Variants in GTF2H1 observed in about 807,000 individuals in gnomAD.
The protein encoded by GTF2H1 is general transcription factor IIH subunit 1.
Under a neutral mutation model 71.2 loss-of-function variants are expected in GTF2H1, and 16 were observed. The observed-to-expected ratio is 0.22, with a 90% CI of 0.15 to 0.34. GTF2H1 has a LOEUF of 0.34. GTF2H1 is among the 10% of genes least tolerant of loss of function. The pLI is 1.00. For missense variants in GTF2H1, 498 were observed against 648.2 expected (o/e 0.77, Z 2.52); for synonymous variants, 215 against 219.0 (o/e 0.98, Z 0.16).
At chr11:18,360,475 T>C (rs867562675) in intron 13 of GTF2H1, 140 bp from the exon 14 acceptor site, 12 of 526,060 alleles carry the variant, frequency 2.3e-5, no homozygotes, top group Middle Eastern at 4.9e-4. Context: ...CAATGTGATA[T>C]AATTGGTATA....
At chr11:18,326,187 C>T (rs1307563320) in intron 1 of GTF2H1, 1 of 152,104 alleles carries the variant, frequency 6.6e-6, no homozygotes, top group African/African-American at 2.4e-5. Context: ...TTAAATTTCC[C>T]CATAAATGAA....
chr11:18,358,226 TCTTA>T, intron 12 of GTF2H1, 184 bp downstream of exon 12: 1 of 609,000 alleles, frequency 1.6e-6, no homozygotes, highest in South Asian at 2.1e-5. Context: ...TTCAGAACCG[TCTTA>T]CTATTACAAA....
chr11:18,360,865 G>T, intron 14 of GTF2H1, 158 bp downstream of exon 14: 1 of 525,588 alleles, frequency 1.9e-6, no homozygotes, highest in Non-Finnish European at 3.3e-6. Context: ...GAGTACAGTG[G>T]CTCCATCTCA....
chr11:18,331,863 A>G (rs1194428419), intron 1 of GTF2H1, among the ~76,000 whole-genome samples: 2 of 152,038 alleles, frequency 1.3e-5, no homozygotes, highest in Non-Finnish European at 2.9e-5. Context: ...CATTGTTCCC[A>G]TTTTATTTGT....
At chr11:18,339,505 G>A in intron 4 of GTF2H1, 59 bp from the exon 5 acceptor site, 1 of 1,178,404 alleles carries the variant, frequency 8.5e-7, no homozygotes, top group Non-Finnish European at 1.3e-6. Context: ...TGTCCACTGG[G>A]ACCTGAGCCA....
chr11:18,332,964 A>T, intron 1 of GTF2H1, 96 bp from the exon 2 acceptor site: 3 of 751,416 alleles, frequency 4.0e-6, no homozygotes, highest in Non-Finnish European at 6.1e-6. Context: ...CCTACAGTTT[A>T]GATTTTATAT....
chr11:18,344,257 T>G (rs181766715), intron 7 of GTF2H1, among the ~76,000 whole-genome samples: 1 of 152,328 alleles, frequency 6.6e-6, no homozygotes, highest in East Asian at 1.9e-4. Flanking sequence ...GCCTGTTTGC[T>G]TGCCTTAGCC....
intron 11 of GTF2H1, among the ~76,000 whole-genome samples, chr11:18,354,991 G>A (rs1865509246): frequency 1.3e-5 from 2 of 151,262 alleles, no homozygotes; most frequent in South Asian, 4.2e-4. Flanking sequence ...TGTATTTTTG[G>A]TAGAGACAGG....
At position 18,330,020 on chromosome 11, in the gene GTF2H1, T is replaced by C. The variant is rs112378949; in HGVS notation, c.-15-3040T>C. Reference sequence around the variant, plus strand: ...TTGACCTGAAGGAAACATGAGGGAATGTTCAAGGGTGACTGAAATGTTCTG... The same window carrying C: ...TTGACCTGAAGGAAACATGAGGGAACGTTCAAGGGTGACTGAAATGTTCTG... On this transcript the variant is annotated intron_variant, in intron 1 of 14. Coordinates refer to ENST00000265963, the MANE Select transcript of GTF2H1 (RefSeq NM_005316.4). 3.5e-4 allele frequency among the ~76,000 whole-genome samples: 54 copies of C among 152,336 alleles called. 1 individual carries two copies. Among genetic ancestry groups the C allele is most frequent in the African/African-American group, 1.1e-3 (47 of 41,584 alleles).
At position 18,333,020 on chromosome 11, in the gene GTF2H1, G is replaced by T. The variant is rs903783670; in HGVS notation, c.-15-40G>T. On this transcript the variant is annotated intron_variant, in intron 1 of 14. Coordinates refer to ENST00000265963, the MANE Select transcript of GTF2H1 (RefSeq NM_005316.4). ...CAACAAATTCAACCCTAATTGATGT[G>T]TGGAATAGTTTTTTTCTTCATCTTT... 5 of 1,459,928 alleles carry T rather than the reference G, an allele frequency of 3.4e-6. No homozygotes were observed. In the South Asian group the frequency reaches 5.1e-5, roughly 15 times the overall value. 90.4% of individuals were successfully genotyped at this position (1,459,928 alleles called of 1,614,324 possible). A position where few individuals can be genotyped will look rare whatever the true frequency, so the allele number is the denominator to read the frequency against.
intron 11 of GTF2H1, among the ~76,000 whole-genome samples, chr11:18,357,576 A>G (rs958318839): frequency 2.2e-4 from 33 of 152,186 alleles, no homozygotes; most frequent in African/African-American, 6.5e-4. Context: ...TAACAGAAAC[A>G]AAGGATACAG....
chr11:18,361,242 G>C (rs1041377470), intron 14 of GTF2H1, among the ~76,000 whole-genome samples: 1 of 152,158 alleles, frequency 6.6e-6, no homozygotes, highest in Non-Finnish European at 1.5e-5. Flanking sequence ...AAAATTAGTA[G>C]AATGTTGCCA....
Position 18,366,133 on chromosome 11 carries a change from AT to A in GTF2H1, c.*265del, listed in dbSNP as rs1473499807. Reference sequence around the variant, plus strand: ...TATATATATACACACACACACATATATGTACATGTGTATGTACATATATATT... The same window carrying A: ...TATATATATACACACACACACATATAGTACATGTGTATGTACATATATATT... On this transcript the variant is annotated 3_prime_UTR_variant, in exon 15 of 15. Transcript: ENST00000265963. 3 of 463,760 alleles carry A rather than the reference AT, an allele frequency of 6.5e-6. No individual in the cohort carries two copies. Among genetic ancestry groups the A allele is most frequent in the Non-Finnish European group, 1.2e-5 (3 of 258,086 alleles). The allele number at this position is 463,760 out of a possible 1,614,324, so 28.7% of individuals were successfully genotyped here.
chr11:18,329,806 A>G (rs1864851641), intron 1 of GTF2H1, among the ~76,000 whole-genome samples: 1 of 152,242 alleles, frequency 6.6e-6, no homozygotes, highest in African/African-American at 2.4e-5. Flanking sequence ...TAACCAAACT[A>G]TGTATTAAAC....
At chr11:18,354,191 C>T (rs551522249) in intron 11 of GTF2H1, among the ~76,000 whole-genome samples, 1 of 152,252 alleles carries the variant, frequency 6.6e-6, no homozygotes, top group South Asian at 2.1e-4. Flanking sequence ...GCATTTTTGC[C>T]AGAAACTCCA....
chr11:18,326,779 A>G (rs1181595794), intron 1 of GTF2H1, among the ~76,000 whole-genome samples: 2 of 152,198 alleles, frequency 1.3e-5, no homozygotes, highest in Admixed American at 1.3e-4. Flanking sequence ...TAAGTAGGAT[A>G]ATGAAGTATC....
At position 18,347,816 on chromosome 11, in the gene GTF2H1, T is replaced by C. The variant is rs769224907; in HGVS notation, c.966-16T>C. On this transcript the variant is annotated splice_polypyrimidine_tract_variant and intron_variant, in intron 8 of 14. Coordinates refer to ENST00000265963, the MANE Select transcript of GTF2H1 (RefSeq NM_005316.4). ...GTGGTTTTTAACGTTAACTTTTTTT[T>C]CCCCTTTATTTTAAGAGAAGCACAA... The C allele has an allele frequency of 4.4e-6, 7 of 1,596,288 alleles. No homozygotes were observed. The Admixed American group carries it at 5.3e-5, about 12-fold the overall frequency.
chr11:18,359,412 T>C (rs923802237), intron 13 of GTF2H1, among the ~76,000 whole-genome samples: 1 of 152,152 alleles, frequency 6.6e-6, no homozygotes, highest in Non-Finnish European at 1.5e-5. Flanking sequence ...AAGAATATTT[T>C]TTTCACCTAC....
At chr11:18,355,325 A>G (rs954024729) in intron 11 of GTF2H1, among the ~76,000 whole-genome samples, 3 of 149,886 alleles carry the variant, frequency 2.0e-5, no homozygotes, top group African/African-American at 7.4e-5. Context: ...TTGTATTTTT[A>G]GTAGCAACGG....
Sources: allele counts gnomAD v4.1 joint callset (sites outside exome capture counted in the v4.1 genomes callset), GRCh38; gene constraint gnomAD v4.1.1; transcripts MANE v1.5; gene names NCBI Gene and HGNC (gene_info 2026-07-23, HGNC 2026-07-21).